The following SV2A variants were observed in gnomAD, a reference collection of about 807,000 sequenced individuals.
SV2A encodes the protein solute carrier family 22 member B1.
SV2A carries 25 observed loss-of-function variants against 78.0 expected under a neutral mutation model. That is an observed-to-expected ratio of 0.32 (90% confidence interval 0.23 to 0.45). The LOEUF (loss-of-function observed/expected upper bound fraction) is 0.45. Ranked by LOEUF, SV2A falls within the 20% of genes least tolerant of loss-of-function variation. SV2A has a pLI of 1.00. For missense variants in SV2A, 752 were observed against 971.5 expected (o/e 0.77, Z 3.00); for synonymous variants, 355 against 384.7 (o/e 0.92, Z 0.90).
Position 149,908,123 on chromosome 1 carries a change from G to A in SV2A, c.1463C>T (p.Pro488Leu), listed in dbSNP as rs782251927. 1 of 1,614,182 alleles carries A rather than the reference G, an allele frequency of 6.2e-7. No individual in the cohort carries two copies. Among genetic ancestry groups the A allele is most frequent in the Non-Finnish European group, 8.5e-7 (1 of 1,180,028 alleles). Reference protein sequence around the residue: ...VDYASRTKVFPGERVEHVTFN... With the variant: ...VDYASRTKVFLGERVEHVTFN... ...AGTTACATGCTCTACGCGCTCCCCG[G>A]GGAACACTTTGGTGCGGGATGCGTA... The change falls in exon 9 of 13, where the codon CCC (proline) becomes CTC (leucine). Residue 488 changes from proline to leucine, a missense_variant. This residue lies in a region of SV2A where 81 missense variants were observed against 74.2 expected (regional missense o/e 1.09). Transcript: ENST00000369146.
rs12760301 is a variant in SV2A at position 149,910,739 on chromosome 1, C to A, written c.956-36G>T. ...GAAAGTGACAGCATCAGCAGAGAGG[C>A]CAGAGGCTGGGGGAACCCACCACAG... On this transcript the variant is annotated intron_variant, in intron 4 of 12. Coordinates refer to ENST00000369146, the MANE Select transcript of SV2A (RefSeq NM_014849.5). This position sits in a 1 kb window ranked among gnomAD's most constrained non-coding sequence, Gnocchi z 4.2. The A allele has an allele frequency of 0.028, 45,290 of 1,612,788 alleles. 794 individuals carry two copies. The highest frequency in any genetic ancestry group is 0.033 in the Non-Finnish European group (38,473 of 1,179,272).
In SV2A at chr1:149,906,860, T is replaced by C. The variant is rs2092441746; in HGVS notation, c.1679-4A>G. 3 of 1,613,964 alleles carry C rather than the reference T, an allele frequency of 1.9e-6. No individual in the cohort carries two copies. The highest frequency in any genetic ancestry group is 1.3e-5 in the African/African-American group (1 of 74,920). On this transcript the variant is annotated splice_polypyrimidine_tract_variant and splice_region_variant and intron_variant, in intron 10 of 12. Transcript: ENST00000369146. ...ACAAACTTGTACTCGAACAGGTCTG[T>C]GGGCAAAGGCCAAGATAAGCAGGCA...
intron 12 of SV2A, 101 bp downstream of exon 12, chr1:149,905,779 A>G (rs1277988372): frequency 6.2e-6 from 9 of 1,462,912 alleles, no homozygotes; most frequent in Admixed American, 3.7e-5. Context: ...ATGGAAATGT[A>G]TATCCTCTCA....
At chr1:149,911,087 T>C in intron 3 of SV2A, 110 bp from the exon 4 acceptor site, 4 of 1,373,640 alleles carry the variant, frequency 2.9e-6, no homozygotes, top group Non-Finnish European at 3.9e-6. Context: ...TTGAAGAGAC[T>C]CCATCTCACA....
intron 1 of SV2A, among the ~76,000 whole-genome samples, chr1:149,916,694 A>T (rs2092516070): frequency 6.6e-6 from 1 of 152,120 alleles, no homozygotes; most frequent in African/African-American, 2.4e-5. Context: ...TCAGGTGACA[A>T]GGTCATTAAA....
chr1:149,913,983 A>G lies in SV2A; in HGVS notation c.-143T>C. ...GTTCCAGTATCTCTGGGCACAAAAA[A>G]AAGAGCAAACAGGTCCTAGCCAATG... On this transcript the variant is annotated 5_prime_UTR_variant, in exon 2 of 13. Transcript: ENST00000369146. The G allele has an allele frequency of 7.5e-7, 1 of 1,330,132 alleles. No individual in the cohort carries two copies. The highest frequency in any genetic ancestry group is 1.5e-5 in the South Asian group (1 of 65,836). 82.4% of individuals were successfully genotyped at this position (1,330,132 alleles called of 1,614,324 possible).
intron 1 of SV2A, among the ~76,000 whole-genome samples, chr1:149,917,188 T>C (rs587700574): frequency 6.7e-6 from 1 of 149,310 alleles, no homozygotes; most frequent in South Asian, 2.1e-4. Flanking sequence ...CCGCCATCCA[T>C]GCCCCCAACA....
Position 149,903,568 on chromosome 1 carries a change from G to A in SV2A, c.*1446C>T, listed in dbSNP as rs1220837851. The A allele has an allele frequency of 6.6e-6, 1 of 152,306 alleles. No homozygotes were observed. Among genetic ancestry groups the A allele is most frequent in the Non-Finnish European group, 1.5e-5 (1 of 68,080 alleles). The allele number at this position is 152,306 out of a possible 1,614,324, so 9.4% of individuals were successfully genotyped here. ...AGCACAGACACCAAAGAGTTAAACA[G>A]TCACCACCTGGTACAGTGTTACAAA... On this transcript the variant is annotated 3_prime_UTR_variant, in exon 13 of 13. Transcript: ENST00000369146.
At chr1:149,907,957 ATGTCT>A (rs782528126) in intron 9 of SV2A, 80 bp downstream of exon 9, 25 of 1,572,228 alleles carry the variant, frequency 1.6e-5, no homozygotes, top group East Asian at 2.3e-5. Context: ...TGCCCCCCAA[ATGTCT>A]TGTCTTGAAC....
chr1:149,917,516 A>T (rs1220666075), intron 1 of SV2A, among the ~76,000 whole-genome samples: 8 of 152,080 alleles, frequency 5.3e-5, no homozygotes, highest in African/African-American at 1.9e-4. Flanking sequence ...CCATTCACCA[A>T]TATTATACAT....
At chr1:149,909,098 C>G in intron 8 of SV2A, 94 bp downstream of exon 8, 1 of 1,253,682 alleles carries the variant, frequency 8.0e-7, no homozygotes, top group Non-Finnish European at 1.2e-6. Flanking sequence ...CTTCCCTCAT[C>G]GCTTGTCCCC....
At chr1:149,913,173 G>T (rs370329123) in intron 2 of SV2A, 46 bp downstream of exon 2, 1 of 1,587,474 alleles carries the variant, frequency 6.3e-7, no homozygotes. Flanking sequence ...GAGCAAGGAG[G>T]TTTCCAGAGT....
Position 149,903,731 on chromosome 1 carries a change from C to G in SV2A, c.*1283G>C, listed in dbSNP as rs587636547. The G allele has an allele frequency of 6.6e-6, 1 of 152,502 alleles. No individual in the cohort carries two copies. The highest frequency in any genetic ancestry group is 2.4e-5 in the African/African-American group (1 of 41,388). The allele number at this position is 152,502 out of a possible 1,614,324, so 9.4% of individuals were successfully genotyped here. On this transcript the variant is annotated 3_prime_UTR_variant, in exon 13 of 13. Transcript: ENST00000369146. ...TTACAAACATCTAAAAACTACAACACGTCACAGCTACAGTGGGGTGAGGGG... is the reference window on the plus strand; with the variant it reads ...TTACAAACATCTAAAAACTACAACAGGTCACAGCTACAGTGGGGTGAGGGG...
At position 149,913,265 on chromosome 1, in the gene SV2A, G is replaced by A. The variant is rs142696753; in HGVS notation, c.576C>T (p.Ser192=). ...CGGACAGGCACATGTCTTTCTCAGC[G>A]CTGGGCAGCACGAAGCCCACCACAA... ...EVFVVGFVLP[S]AEKDMCLSDS... is the part of the protein sequence containing the mutation. Residue 192 remains serine (S), a synonymous_variant, in exon 2 of 13, where the codon AGC becomes AGT. Coordinates refer to ENST00000369146, the MANE Select transcript of SV2A (RefSeq NM_014849.5). 1.3e-4 allele frequency: 217 copies of A among 1,614,048 alleles called. No homozygotes were observed. Among genetic ancestry groups the A allele is most frequent in the African/African-American group, 1.2e-3 (93 of 75,004 alleles).
Position 149,913,977 on chromosome 1 carries a change from C to G in SV2A, c.-137G>C. On this transcript the variant is annotated 5_prime_UTR_variant, in exon 2 of 13. Coordinates refer to ENST00000369146, the MANE Select transcript of SV2A (RefSeq NM_014849.5). The stretch of plus-strand genomic sequence containing the variant: ...AAGCGTGTTCCAGTATCTCTGGGCA[C>G]AAAAAAAAGAGCAAACAGGTCCTAG... 1 of 1,344,296 alleles carries G rather than the reference C, an allele frequency of 7.4e-7. No individual in the cohort carries two copies. The highest frequency in any genetic ancestry group is 1.5e-5 in the South Asian group (1 of 65,246). The allele number at this position is 1,344,296 out of a possible 1,614,324, so 83.3% of individuals were successfully genotyped here.
At chr1:149,906,172 C>A in intron 11 of SV2A, 133 bp from the exon 12 acceptor site, 1 of 1,047,974 alleles carries the variant, frequency 9.5e-7, no homozygotes, top group Non-Finnish European at 1.4e-6. Context: ...ACCAAGGTAT[C>A]CAAAAGGAAG....
chr1:149,909,694 C>A (rs941687249), intron 6 of SV2A, 107 bp downstream of exon 6: 40 of 1,460,074 alleles, frequency 2.7e-5, no homozygotes, highest in Non-Finnish European at 3.5e-5. Flanking sequence ...CCCTGAAAAT[C>A]TCCTTACGGT....
Position 149,909,564 on chromosome 1 carries a change from T to G in SV2A, c.1187A>C (p.His396Pro). 1 of 1,613,920 alleles carries G rather than the reference T, an allele frequency of 6.2e-7. No individual in the cohort carries two copies. The highest frequency in any genetic ancestry group is 8.5e-7 in the Non-Finnish European group (1 of 1,179,858). Residue 396 changes from histidine to proline, a missense_variant, in exon 7 of 13, where the codon CAC becomes CCC. His to Pro is a moderately conservative substitution (Grantham distance 77). Around this residue, in one of 7 missense-constraint regions of SV2A, gnomAD observed 136 missense variants for 132.3 expected, o/e 1.03. Coordinates refer to ENST00000369146, the MANE Select transcript of SV2A (RefSeq NM_014849.5). ...ATCCTCCTGATGAATCGTCTTAATG[T>G]GGGTTACCTGGGGTCAAGAGAAGGG... ...GHPERVFSVTHIKTIHQEDEL... is the reference protein window; with the variant it reads ...GHPERVFSVTPIKTIHQEDEL...
chr1:149,908,870 T>C (rs2092456427), intron 8 of SV2A, among the ~76,000 whole-genome samples: 1 of 152,084 alleles, frequency 6.6e-6, no homozygotes, highest in Non-Finnish European at 1.5e-5. Flanking sequence ...CCTAACCTCA[T>C]GATCCGCCCG....
Sources: gnomAD v4.1 joint callset for allele counts (sites outside exome capture counted in the v4.1 genomes callset) on GRCh38, gnomAD v4.1.1 for gene constraint, gnomAD v4.1.1 regional missense constraint, Gnocchi (gnomAD v3.1) non-coding constraint, MANE v1.5 for transcripts, NCBI Gene and HGNC (gene_info 2026-07-23, HGNC 2026-07-21) for gene names.